FUT8: variants seen among roughly 807,000 people sequenced by gnomAD.
The protein encoded by FUT8 is fucosyltransferase 8.
A neutral mutation model predicts 71.3 loss-of-function variants in FUT8; 29 were observed. The ratio of observed to expected loss-of-function variants is 0.41; its 90% CI spans 0.30 to 0.55. FUT8 has a LOEUF of 0.55. FUT8 is among the 20% of genes least tolerant of loss of function. FUT8 has a pLI of 0.34. For missense variants in FUT8, 544 were observed against 702.1 expected (o/e 0.77, Z 2.55); for synonymous variants, 254 against 239.3 (o/e 1.06, Z -0.57).
chr14:65,563,356 C>T (rs1396205913), intron 3 of FUT8, among the ~76,000 whole-genome samples: 1 of 151,984 alleles, frequency 6.6e-6, no homozygotes, highest in Non-Finnish European at 1.5e-5. Flanking sequence ...ATGTTAGTAC[C>T]ATTTTTGTAA....
chr14:65,682,430 A>C (rs1374568257), intron 7 of FUT8, among the ~76,000 whole-genome samples: 2 of 152,214 alleles, frequency 1.3e-5, no homozygotes, highest in Non-Finnish European at 2.9e-5. Context: ...GCATGAGCCC[A>C]GGAGTCCAAA....
At chr14:65,395,522 A>G in the FUT8 span, among the ~76,000 whole-genome samples, 1 of 152,256 alleles carries the variant, frequency 6.6e-6, no homozygotes, top group African/African-American at 2.4e-5. Context: ...GAAGCTGCCA[A>G]GGGTTGGGGC....
intron 2 of FUT8, among the ~76,000 whole-genome samples, chr14:65,476,721 A>G (rs1199585944): frequency 7.0e-6 from 1 of 142,866 alleles, no homozygotes; most frequent in South Asian, 2.1e-4. Flanking sequence ...CAGTGGCGCT[A>G]TCATAGCTCA....
chr14:65,542,633 A>G (rs977119324), intron 2 of FUT8, among the ~76,000 whole-genome samples: 5 of 152,198 alleles, frequency 3.3e-5, no homozygotes, highest in African/African-American at 1.2e-4. Context: ...TGAAGAGTGC[A>G]TGTTTACTGC....
chr14:65,701,903 A>G (rs1451854709), intron 7 of FUT8, among the ~76,000 whole-genome samples: 1 of 152,196 alleles, frequency 6.6e-6, no homozygotes, highest in Non-Finnish European at 1.5e-5. Context: ...TATTCCATGA[A>G]GAGTCATTTT....
At chr14:65,658,775 A>T (rs1594869822) in intron 6 of FUT8, among the ~76,000 whole-genome samples, 1 of 151,944 alleles carries the variant, frequency 6.6e-6, no homozygotes, top group East Asian at 1.9e-4. Flanking sequence ...TGTACCTCTA[A>T]ATTGGAAGTA....
chr14:65,407,244 A>G (rs149013038), upstream of FUT8, among the ~76,000 whole-genome samples: 1 of 152,324 alleles, frequency 6.6e-6, no homozygotes, highest in Non-Finnish European at 1.5e-5. Context: ...ACTATGGTCA[A>G]TTTTGATGAA....
At chr14:65,431,689 A>T (rs2065479170) in intron 1 of FUT8, among the ~76,000 whole-genome samples, 2 of 150,536 alleles carry the variant, frequency 1.3e-5, no homozygotes, top group Non-Finnish European at 1.5e-5. Flanking sequence ...TGTAAGATCA[A>T]GACTATCCAA....
At chr14:65,502,311 A>AC (rs2066658506) in intron 2 of FUT8, among the ~76,000 whole-genome samples, 1 of 150,042 alleles carries the variant, frequency 6.7e-6, no homozygotes, top group Non-Finnish European at 1.5e-5. Flanking sequence ...TGCAATCTCC[A>AC]CCCCCCAGGT....
chr14:65,406,356 CTG>C (rs779640052), upstream of FUT8, among the ~76,000 whole-genome samples: 4 of 152,220 alleles, frequency 2.6e-5, no homozygotes, highest in Non-Finnish European at 5.9e-5. Flanking sequence ...CAGATTGTAA[CTG>C]AGCACTGTTT....
At chr14:65,551,879 G>A (rs1885306722) in intron 2 of FUT8, among the ~76,000 whole-genome samples, 1 of 152,066 alleles carries the variant, frequency 6.6e-6, no homozygotes, top group Non-Finnish European at 1.5e-5. Flanking sequence ...ATTTTTTTCA[G>A]TATGGTTGGA....
chr14:65,457,421 T>C (rs2065908550), intron 2 of FUT8, among the ~76,000 whole-genome samples: 1 of 152,214 alleles, frequency 6.6e-6, no homozygotes, highest in African/African-American at 2.4e-5. Flanking sequence ...CTATTGGAAC[T>C]TGTGGTGTTC....
intron 6 of FUT8, among the ~76,000 whole-genome samples, chr14:65,665,525 T>C (rs1255823987): frequency 6.6e-6 from 1 of 152,142 alleles, no homozygotes; most frequent in African/African-American, 2.4e-5. Context: ...TAGAAAGCAG[T>C]GTGGAAATTA....
chr14:65,720,309 C>T (rs577926832), intron 7 of FUT8, among the ~76,000 whole-genome samples: 13 of 151,888 alleles, frequency 8.6e-5, no homozygotes, highest in African/African-American at 3.1e-4. Flanking sequence ...CCCAAGGGCT[C>T]TTCAGTCAGC....
chr14:65,576,696 C>CTTTTTTTTTTTT lies in FUT8; in HGVS notation c.203+14960_203+14971dup, dbSNP rs376473739. Among the ~76,000 whole-genome samples, 14 of 96,212 alleles carry CTTTTTTTTTTTT rather than the reference C, an allele frequency of 1.5e-4. 1 individual carries two copies. Among genetic ancestry groups the CTTTTTTTTTTTT allele is most frequent in the African/African-American group, 3.1e-4 (5 of 15,908 alleles). The allele number at this position is 96,212 out of a possible 152,430, so 63.1% of individuals were successfully genotyped here. On this transcript the variant is annotated intron_variant, in intron 3 of 10. Coordinates refer to ENST00000673929, the MANE Select transcript of FUT8 (RefSeq NM_001371533.1). ...GGTGTGTGCCATGATGCCCAGCTTG[C>CTTTTTTTTTTTT]TTTTTTTTTTTTTTTTTTTTTTTTT...
In FUT8 at chr14:65,669,498, C is replaced by A; in HGVS notation, c.835+18C>A. 1 of 1,536,604 alleles carries A rather than the reference C, an allele frequency of 6.5e-7. No homozygotes were observed. The highest frequency in any genetic ancestry group is 9.0e-7 in the Non-Finnish European group (1 of 1,109,998). ...CTGGTCAGGTAAGGAGCTTGTGCAG[C>A]ATATGAGATCTCTGGGCTGTTTCAC... On this transcript the variant is annotated intron_variant, in intron 7 of 10. Coordinates refer to ENST00000673929, the MANE Select transcript of FUT8 (RefSeq NM_001371533.1). This position sits in a 1 kb window ranked among gnomAD's most constrained non-coding sequence, Gnocchi z 4.5.
chr14:65,722,309 A>G (rs926460662), intron 8 of FUT8, among the ~76,000 whole-genome samples: 4 of 150,152 alleles, frequency 2.7e-5, no homozygotes, highest in Admixed American at 6.6e-5. Context: ...TGTTGTTGTT[A>G]TTTTTGAGAT....
At chr14:65,386,279 C>T in the FUT8 span, among the ~76,000 whole-genome samples, 1 of 151,624 alleles carries the variant, frequency 6.6e-6, no homozygotes, top group African/African-American at 2.4e-5. Flanking sequence ...TGCACTCCAG[C>T]CCAGGTGGAT....
rs1394618806 is a variant in FUT8 at position 65,483,025 on chromosome 14, G to A, written c.-228+27307G>A. On this transcript the variant is annotated intron_variant, in intron 2 of 10. Transcript: ENST00000673929. This position sits in a 1 kb window ranked among gnomAD's most constrained non-coding sequence, Gnocchi z 4.4. ...AGCAATACCCAGCAACCAGTGACCC[G>A]AGGCCAGCAACTTCTTTTACTTCCC... is the stretch of plus-strand genomic sequence containing the variant. Among the ~76,000 whole-genome samples, 3 of 152,264 alleles carry A rather than the reference G, an allele frequency of 2.0e-5. No individual in the cohort carries two copies. Among genetic ancestry groups the A allele is most frequent in the South Asian group, 2.1e-4 (1 of 4,820 alleles).
Sources: gnomAD v4.1 joint callset for allele counts (sites outside exome capture counted in the v4.1 genomes callset) on GRCh38, gnomAD v4.1.1 for gene constraint, Gnocchi (gnomAD v3.1) non-coding constraint, MANE v1.5 for transcripts, NCBI Gene and HGNC (gene_info 2026-07-23, HGNC 2026-07-21) for gene names.